Variants in CSMD1 observed in about 807,000 individuals in gnomAD.
The protein encoded by CSMD1 is CUB and Sushi multiple domains 1, also known as CUB and sushi domain-containing protein 1.
A neutral mutation model predicts 417.5 loss-of-function variants in CSMD1; 213 were observed. That is an observed-to-expected ratio of 0.51 (90% confidence interval 0.46 to 0.57). CSMD1 has a LOEUF of 0.57. Among genes scored for constraint, CSMD1 ranks in the 20% least tolerant of loss-of-function variants. The probability of loss-of-function intolerance (pLI) is 0.00; values close to 1 mark genes in which losing one functional copy is unlikely to be tolerated. For synonymous variants in CSMD1, 2,862 were observed against 1,736.8 expected, an observed-to-expected ratio of 1.65 and a Z score of -16.11; for missense variants, 6,923 against 4,529.7, an observed-to-expected ratio of 1.53 and a Z score of -15.17.
chr8:3,517,808 T>C (rs1797344613), intron 10 of CSMD1, among the ~76,000 whole-genome samples: 1 of 152,188 alleles, frequency 6.6e-6, no homozygotes, highest in African/African-American at 2.4e-5. Context: ...AATTCCCTTT[T>C]AGTCTATGAG....
At chr8:2,991,890 G>A (rs1179188501) in intron 54 of CSMD1, among the ~76,000 whole-genome samples, 1 of 152,134 alleles carries the variant, frequency 6.6e-6, no homozygotes, top group Non-Finnish European at 1.5e-5. Flanking sequence ...AAAGTCACAG[G>A]AAATTTCGTT....
chr8:4,465,160 C>G (rs552636689), intron 2 of CSMD1, among the ~76,000 whole-genome samples: 81 of 152,262 alleles, frequency 5.3e-4, no homozygotes, highest in African/African-American at 1.9e-3. Flanking sequence ...AACTATGTCA[C>G]TTTATGTCAC....
At chr8:3,411,632 A>G (rs1812705438) in intron 12 of CSMD1, among the ~76,000 whole-genome samples, 1 of 147,900 alleles carries the variant, frequency 6.8e-6, no homozygotes, top group Non-Finnish European at 1.5e-5. Flanking sequence ...TTCATTCCTT[A>G]TTATCGTTCA....
chr8:4,615,232 G>C (rs12681985), intron 2 of CSMD1, among the ~76,000 whole-genome samples: 1 of 152,084 alleles, frequency 6.6e-6, no homozygotes, highest in African/African-American at 2.4e-5. Context: ...GTACCCATGT[G>C]AACACAACAC....
chr8:4,694,853 C>T (rs553208309), intron 1 of CSMD1, among the ~76,000 whole-genome samples: 11 of 152,244 alleles, frequency 7.2e-5, no homozygotes, highest in African/African-American at 2.6e-4. Flanking sequence ...ATTCTCGTTT[C>T]ATAGCTCTCA....
chr8:3,687,577 A>G (rs763414889), intron 7 of CSMD1, among the ~76,000 whole-genome samples: 3 of 152,174 alleles, frequency 2.0e-5, no homozygotes, highest in Non-Finnish European at 4.4e-5. Context: ...TCCAGTTTCA[A>G]TGAACTGCTC....
intron 4 of CSMD1, among the ~76,000 whole-genome samples, chr8:4,023,219 T>C (rs1422535559): frequency 6.6e-6 from 1 of 152,216 alleles, no homozygotes; most frequent in Non-Finnish European, 1.5e-5. Context: ...GGAAGCCAGA[T>C]GTGAAAGGTG....
chr8:3,275,025 G>C (rs1438891027), intron 26 of CSMD1, among the ~76,000 whole-genome samples: 1 of 151,712 alleles, frequency 6.6e-6, no homozygotes, highest in Admixed American at 6.6e-5. Flanking sequence ...TCCTAGCCTT[G>C]ATGGTCTTTA....
chr8:4,736,668 C>A (rs777758649), intron 1 of CSMD1, among the ~76,000 whole-genome samples: 3 of 152,076 alleles, frequency 2.0e-5, no homozygotes, highest in Non-Finnish European at 2.9e-5. Context: ...TTATGCATAA[C>A]TTTTGAGAAG....
At chr8:4,555,290 C>T (rs758719976) in intron 2 of CSMD1, among the ~76,000 whole-genome samples, 6 of 152,024 alleles carry the variant, frequency 3.9e-5, no homozygotes, top group Non-Finnish European at 5.9e-5. Flanking sequence ...AGAAAAAAGA[C>T]AGGTGCAGTG....
In CSMD1 at chr8:4,656,801, T is replaced by G. The variant is rs537442569; in HGVS notation, c.86-19243A>C. On this transcript the variant is annotated intron_variant, in intron 1 of 69. Coordinates refer to ENST00000635120, the MANE Select transcript of CSMD1 (RefSeq NM_033225.6). ...CTAGAAAGGACCGTCCTGCGGGGAT[T>G]CTCGGTGTAAAGGAGAACCCTTCCC... 8.5e-5 allele frequency among the ~76,000 whole-genome samples: 13 copies of G among 152,158 alleles called. 1 individual carries two copies. In the South Asian group the frequency reaches 2.5e-3, roughly 29 times the overall value.
At chr8:3,817,101 A>G (rs1274793396) in intron 5 of CSMD1, among the ~76,000 whole-genome samples, 1 of 152,014 alleles carries the variant, frequency 6.6e-6, no homozygotes, top group Non-Finnish European at 1.5e-5. Flanking sequence ...TGGGAAAGAG[A>G]AATGAAGATC....
chr8:3,136,440 T>C (rs184459013), intron 41 of CSMD1, among the ~76,000 whole-genome samples: 198 of 152,088 alleles, frequency 1.3e-3, no homozygotes, highest in African/African-American at 4.7e-3. Context: ...AGTATTTGTA[T>C]TTTTAGTAGA....
chr8:4,980,681 T>C (rs1810840372), intron 1 of CSMD1, among the ~76,000 whole-genome samples: 2 of 152,106 alleles, frequency 1.3e-5, no homozygotes. Flanking sequence ...AGTTGGTGGA[T>C]CACTTGAGAT....
chr8:4,796,950 G>A (rs370354412), intron 1 of CSMD1, among the ~76,000 whole-genome samples: 23 of 152,312 alleles, frequency 1.5e-4, no homozygotes, highest in Non-Finnish European at 1.3e-4. Context: ...AGGACAGAGC[G>A]GCCCTGATTG....
In CSMD1 at chr8:3,750,024, A is replaced by C. The variant is rs115285908; in HGVS notation, c.931+3906T>G. On this transcript the variant is annotated intron_variant, in intron 6 of 69. Coordinates refer to ENST00000635120, the MANE Select transcript of CSMD1 (RefSeq NM_033225.6). ...TCAGATTTCTACCAATAGTGCAAAA[A>C]ATATAGTCATTATTGAGTTCTTTAT... Among the ~76,000 whole-genome samples, 285 of 152,284 alleles carry C rather than the reference A, an allele frequency of 1.9e-3. 2 individuals carry two copies. The highest frequency in any genetic ancestry group is 6.4e-3 in the African/African-American group (266 of 41,572).
intron 3 of CSMD1, among the ~76,000 whole-genome samples, chr8:4,311,670 C>T (rs1421923569): frequency 6.8e-6 from 1 of 146,926 alleles, no homozygotes; most frequent in Non-Finnish European, 1.5e-5. Context: ...CTGCAGTGAG[C>T]CGAGATTGTG....
intron 3 of CSMD1, among the ~76,000 whole-genome samples, chr8:4,276,123 A>G (rs961854734): frequency 6.6e-6 from 1 of 152,200 alleles, no homozygotes; most frequent in Non-Finnish European, 1.5e-5. Context: ...ATTAGTGGGT[A>G]TATACCCAAA....
At chr8:4,742,378 AG>A (rs1810677657) in intron 1 of CSMD1, among the ~76,000 whole-genome samples, 1 of 152,052 alleles carries the variant, frequency 6.6e-6, no homozygotes, top group Non-Finnish European at 1.5e-5. Flanking sequence ...CTGTATCATG[AG>A]AAATTTAAGA....
Sources: gnomAD v4.1 joint callset for allele counts (sites outside exome capture counted in the v4.1 genomes callset) on GRCh38, gnomAD v4.1.1 for gene constraint, MANE v1.5 for transcripts, NCBI Gene and HGNC (gene_info 2026-07-23, HGNC 2026-07-21) for gene names.